The following NAV3 variants were observed in gnomAD, a reference collection of about 807,000 sequenced individuals.
NAV3 encodes pore membrane and/or filament interacting like protein 1.
Under a neutral mutation model 244.7 loss-of-function variants are expected in NAV3, and 87 were observed. That is an observed-to-expected ratio of 0.36 (90% CI 0.30 to 0.42). The LOEUF (loss-of-function observed/expected upper bound fraction) is 0.42, where lower values mean the gene tolerates loss of function less well. Ranked by LOEUF, NAV3 falls within the 20% of genes least tolerant of loss-of-function variation. The pLI is 1.00. For missense variants in NAV3, 2,663 were observed against 2,893.3 expected, an observed-to-expected ratio of 0.92 and a Z score of 1.83; for synonymous variants, 1,126 against 1,042.2, an observed-to-expected ratio of 1.08 and a Z score of -1.55.
intron 38 of NAV3, among the ~76,000 whole-genome samples, chr12:78,202,719 G>T (rs949836555): frequency 5.3e-5 from 8 of 152,030 alleles, no homozygotes; most frequent in Non-Finnish European, 8.8e-5. Context: ...CTTTTTGGGG[G>T]AGGGGAATCC....
rs558558782 is a variant in NAV3 at position 78,031,668 on chromosome 12, AG to A, written c.2023+9808del. Among the ~76,000 whole-genome samples, 18 of 142,874 alleles carry A rather than the reference AG, an allele frequency of 1.3e-4. No individual in the cohort carries two copies. The South Asian group carries it at 4.0e-3, about 32-fold the overall frequency. 93.7% of individuals were successfully genotyped at this position (142,874 alleles called of 152,430 possible). ...CCAAGCACCGCATATTCTCACTCAT[AG>A]GTGGGAATTGAACAATGAGATCACA... is the stretch of plus-strand genomic sequence containing the variant. On this transcript the variant is annotated intron_variant, in intron 9 of 39. Coordinates refer to ENST00000397909, the MANE Select transcript of NAV3 (RefSeq NM_001024383.2).
In NAV3 at chr12:77,968,528, A is replaced by C. The variant is rs760924142; in HGVS notation, c.497A>C (p.Asn166Thr). The C allele has an allele frequency of 6.2e-7, 1 of 1,612,682 alleles. No individual in the cohort carries two copies. The highest frequency in any genetic ancestry group is 2.2e-5 in the East Asian group (1 of 44,866). The change falls in exon 5 of 40, where the codon AAT becomes ACT. Residue 166 changes from asparagine (N) to threonine (T), a missense_variant. By Grantham distance (65) the Asn-to-Thr change is moderately conservative. Transcript: ENST00000397909. The stretch of plus-strand genomic sequence containing the variant: ...TTTTCATTTCATACAGAAATAAGAA[A>C]TGGAAACTTAAAAGCCATTCTAGGG... ...VQGLSAEEIR[N>T]GNLKAILGLF...
At chr12:78,089,155 A>C (rs1953791565) in intron 12 of NAV3, among the ~76,000 whole-genome samples, 1 of 151,952 alleles carries the variant, frequency 6.6e-6, no homozygotes, top group African/African-American at 2.4e-5. Context: ...TTTCCATACC[A>C]CCATTCCCTT....
At chr12:78,092,236 G>A (rs1424581132) in intron 12 of NAV3, among the ~76,000 whole-genome samples, 1 of 151,942 alleles carries the variant, frequency 6.6e-6, no homozygotes, top group East Asian at 1.9e-4. Flanking sequence ...ATAAATCTAT[G>A]AATGACATAT....
At chr12:78,122,725 C>T (rs930972691) in intron 16 of NAV3, among the ~76,000 whole-genome samples, 1 of 152,126 alleles carries the variant, frequency 6.6e-6, no homozygotes, top group Admixed American at 6.5e-5. Context: ...CTCCTGAAGA[C>T]ATTTTAATGA....
chr12:78,077,066 AT>A (rs1400645946), intron 12 of NAV3, among the ~76,000 whole-genome samples: 1 of 152,104 alleles, frequency 6.6e-6, no homozygotes, highest in African/African-American at 2.4e-5. Context: ...TGTATATGTA[AT>A]TTATATAAAT....
chr12:77,644,062 A>G (rs117096749), intron 2 of NAV3, among the ~76,000 whole-genome samples: 1,574 of 152,220 alleles, frequency 0.01, 14 homozygotes, highest in Non-Finnish European at 0.014. Flanking sequence ...TATAGAGACA[A>G]CATATACACA....
chr12:77,627,444 C>T (rs1871686434), intron 2 of NAV3, among the ~76,000 whole-genome samples: 1 of 152,030 alleles, frequency 6.6e-6, no homozygotes, highest in Non-Finnish European at 1.5e-5. Context: ...ATTGATAGTA[C>T]AGAAATACAA....
intron 2 of NAV3, among the ~76,000 whole-genome samples, chr12:77,705,556 C>T (rs1392171444): frequency 1.3e-5 from 2 of 151,456 alleles, no homozygotes; most frequent in African/African-American, 4.9e-5. Context: ...CATTTTTTGG[C>T]ATTGCCTTCC....
intron 12 of NAV3, among the ~76,000 whole-genome samples, chr12:78,092,219 A>G (rs1004999102): frequency 6.6e-6 from 1 of 152,160 alleles, no homozygotes; most frequent in South Asian, 2.1e-4. Flanking sequence ...AATGCGTGCG[A>G]AGAAAAATAA....
At chr12:77,655,782 A>C (rs1354250577) in intron 2 of NAV3, among the ~76,000 whole-genome samples, 4 of 152,176 alleles carry the variant, frequency 2.6e-5, no homozygotes, top group Admixed American at 2.0e-4. Flanking sequence ...TATAAGCCAG[A>C]AGAGAGTGGG....
At chr12:78,124,576 C>T (rs1193732271) in intron 16 of NAV3, among the ~76,000 whole-genome samples, 3 of 152,122 alleles carry the variant, frequency 2.0e-5, no homozygotes, top group Non-Finnish European at 2.9e-5. Flanking sequence ...GCCTCAGCCA[C>T]CTGAGTAGCT....
chr12:78,175,976 C>T (rs1299575660), intron 25 of NAV3, among the ~76,000 whole-genome samples: 2 of 152,050 alleles, frequency 1.3e-5, no homozygotes, highest in East Asian at 3.9e-4. Context: ...ATGAAACTCT[C>T]ATTCCACCTT....
chr12:78,130,339 C>A (rs927507555), intron 18 of NAV3: 2 of 212,298 alleles, frequency 9.4e-6, no homozygotes, highest in Non-Finnish European at 2.1e-5. Flanking sequence ...TCATTTTTTT[C>A]TCTGAGGCCA....
At chr12:78,040,672 G>A (rs1880699723) in intron 9 of NAV3, among the ~76,000 whole-genome samples, 1 of 152,078 alleles carries the variant, frequency 6.6e-6, no homozygotes, top group Non-Finnish European at 1.5e-5. Flanking sequence ...AACATGTAAT[G>A]ATGCGTTCTA....
intron 1 of NAV3, among the ~76,000 whole-genome samples, chr12:77,925,537 GGC>G (rs1491559575): frequency 3.2e-4 from 5 of 15,456 alleles, no homozygotes; most frequent in South Asian, 2.6e-3. Flanking sequence ...AGGATGAAAA[GGC>G]GGGGGGAGGT....
At chr12:77,805,180 C>G (rs576619418) in intron 2 of NAV3, among the ~76,000 whole-genome samples, 125 of 152,194 alleles carry the variant, frequency 8.2e-4, no homozygotes, top group Admixed American at 4.3e-3. Flanking sequence ...GCCTGATTGT[C>G]CTGCCAGAAC....
At chr12:77,917,447 CAT>C (rs1486503814) in intron 1 of NAV3, among the ~76,000 whole-genome samples, 3 of 151,940 alleles carry the variant, frequency 2.0e-5, no homozygotes, top group Non-Finnish European at 4.4e-5. Flanking sequence ...ATGAAATACA[CAT>C]CTTTTATATC....
intron 2 of NAV3, among the ~76,000 whole-genome samples, chr12:77,733,726 A>G (rs758009006): frequency 3.3e-5 from 5 of 152,006 alleles, no homozygotes; most frequent in Admixed American, 1.3e-4. Context: ...GCATGGCTTC[A>G]TGAAAGCAAA....
Sources: allele counts gnomAD v4.1 joint callset (sites outside exome capture counted in the v4.1 genomes callset), GRCh38; gene constraint gnomAD v4.1.1; transcripts MANE v1.5; gene names NCBI Gene and HGNC (gene_info 2026-07-23, HGNC 2026-07-21).